The following SORCS3 variants were observed in gnomAD, a reference collection of about 807,000 sequenced individuals.
The protein encoded by SORCS3 is VPS10 domain-containing receptor SorCS3.
SORCS3 carries 57 observed loss-of-function variants against 146.3 expected under a neutral mutation model. The observed-to-expected ratio is 0.39, with a 90% CI of 0.31 to 0.49. SORCS3 has a LOEUF of 0.49. Among genes scored for constraint, SORCS3 ranks in the 20% least tolerant of loss-of-function variants. SORCS3 has a pLI of 0.92. For synonymous variants in SORCS3, 653 were observed against 618.5 expected, an observed-to-expected ratio of 1.06 and a Z score of -0.83; for missense variants, 1,341 against 1,575.5, an observed-to-expected ratio of 0.85 and a Z score of 2.52.
intron 3 of SORCS3, among the ~76,000 whole-genome samples, chr10:104,941,001 C>T (rs879412790): frequency 9.2e-5 from 14 of 152,138 alleles, no homozygotes; most frequent in Admixed American, 2.0e-4. Flanking sequence ...TCTTCCTTTT[C>T]GATCATATAG....
At chr10:105,073,272 C>T (rs1197979457) in intron 5 of SORCS3, among the ~76,000 whole-genome samples, 2 of 152,142 alleles carry the variant, frequency 1.3e-5, no homozygotes, top group East Asian at 3.9e-4. Flanking sequence ...GTGCAGGTTC[C>T]AGGTGCGGAG....
chr10:104,789,357 C>G (rs985453081), intron 1 of SORCS3, among the ~76,000 whole-genome samples: 5 of 152,208 alleles, frequency 3.3e-5, no homozygotes, highest in African/African-American at 1.2e-4. Flanking sequence ...GAAAATTGAC[C>G]GGATAGCCAG....
intron 3 of SORCS3, among the ~76,000 whole-genome samples, chr10:104,918,325 C>A (rs991073928): frequency 5.9e-5 from 9 of 152,122 alleles, no homozygotes; most frequent in Non-Finnish European, 1.2e-4. Flanking sequence ...GCAAAAAAAA[C>A]TCACATAGCC....
rs1439995849 is a variant in SORCS3 at position 105,033,414 on chromosome 10, T to C, written c.955-9641T>C. Among the ~76,000 whole-genome samples the C allele has an allele frequency of 2.0e-5, 3 of 152,342 alleles. No individual in the cohort carries two copies. In the East Asian group the frequency reaches 5.8e-4, roughly 29 times the overall value. ...CAAGTCTCTTAGGTTCTCTGAGTTT[T>C]AGAGTCTCCATGTGTGAAAAGAACT... On this transcript the variant is annotated intron_variant, in intron 4 of 26. Coordinates refer to ENST00000369701, the MANE Select transcript of SORCS3 (RefSeq NM_014978.3).
intron 3 of SORCS3, among the ~76,000 whole-genome samples, chr10:104,952,051 C>T (rs1363453824): frequency 6.6e-6 from 1 of 151,084 alleles, no homozygotes; most frequent in African/African-American, 2.4e-5. Flanking sequence ...AATCGTTCCC[C>T]CGATTCCAAA....
intron 13 of SORCS3, among the ~76,000 whole-genome samples, chr10:105,171,242 CA>C (rs1213668684): frequency 6.6e-6 from 1 of 152,136 alleles, no homozygotes; most frequent in Non-Finnish European, 1.5e-5. Flanking sequence ...GGCGTGAACG[CA>C]AAACAGCATA....
At chr10:104,844,469 A>C (rs1240545625) in intron 2 of SORCS3, among the ~76,000 whole-genome samples, 1 of 152,166 alleles carries the variant, frequency 6.6e-6, no homozygotes, top group Non-Finnish European at 1.5e-5. Flanking sequence ...CCAGTTGCTT[A>C]ATGCTAGAGG....
chr10:105,245,653 ATTGCAGTTCATGGT>A lies in SORCS3; in HGVS notation c.2981_2992+2del. The A allele has an allele frequency of 6.2e-7, 1 of 1,613,960 alleles. No homozygotes were observed. Among genetic ancestry groups the A allele is most frequent in the Non-Finnish European group, 8.5e-7 (1 of 1,179,946 alleles). Reference sequence around the variant, plus strand: ...TGCCCTCATCCAGGACACAAAAGAGATTGCAGTTCATGGTAAGCCCTGAAAATTGTTCTGTGATG... The same window carrying A: ...TGCCCTCATCCAGGACACAAAAGAGAAAGCCCTGAAAATTGTTCTGTGATG... On this transcript the variant is annotated splice_donor_variant and coding_sequence_variant, in exon 21 of 27. Coordinates refer to ENST00000369701, the MANE Select transcript of SORCS3 (RefSeq NM_014978.3). LOFTEE classifies it high-confidence loss of function.
intron 8 of SORCS3, among the ~76,000 whole-genome samples, chr10:105,145,260 T>C (rs977661747): frequency 6.6e-6 from 1 of 152,142 alleles, no homozygotes; most frequent in African/African-American, 2.4e-5. Context: ...AAATTGTAGG[T>C]TTATATCTTA....
At chr10:105,088,066 G>T (rs768810761) in intron 5 of SORCS3, among the ~76,000 whole-genome samples, 5 of 152,220 alleles carry the variant, frequency 3.3e-5, no homozygotes, top group African/African-American at 4.8e-5. Flanking sequence ...GCAAGGCCCA[G>T]TGAGCTTGGA....
At chr10:105,009,576 A>G (rs530473460) in intron 4 of SORCS3, among the ~76,000 whole-genome samples, 1 of 150,888 alleles carries the variant, frequency 6.6e-6, no homozygotes, top group East Asian at 2.0e-4. Context: ...GTGAGAGGAT[A>G]TGATTTTGTG....
At chr10:104,779,229 T>A (rs1451068604) in intron 1 of SORCS3, among the ~76,000 whole-genome samples, 1 of 152,236 alleles carries the variant, frequency 6.6e-6, no homozygotes, top group East Asian at 1.9e-4. Context: ...TCTGGACTTT[T>A]GACTTCTAGA....
intron 7 of SORCS3, among the ~76,000 whole-genome samples, chr10:105,117,915 C>G (rs901553325): frequency 4.6e-5 from 7 of 152,124 alleles, no homozygotes; most frequent in African/African-American, 1.7e-4. Context: ...TCGTTGCTTC[C>G]TCAATAAGGT....
intron 1 of SORCS3, among the ~76,000 whole-genome samples, chr10:104,710,247 A>G (rs192518104): frequency 3.2e-4 from 49 of 152,312 alleles, no homozygotes; most frequent in South Asian, 3.1e-3. Context: ...AACCCAGCTT[A>G]TCCTCCTGAG....
intron 4 of SORCS3, among the ~76,000 whole-genome samples, chr10:105,009,539 A>C (rs74404056): frequency 5.3e-5 from 8 of 151,090 alleles, no homozygotes; most frequent in African/African-American, 1.5e-4. Flanking sequence ...AAAAAAAAAA[A>C]AAAAAAAAAA....
chr10:104,775,130 T>C (rs1033554816), intron 1 of SORCS3, among the ~76,000 whole-genome samples: 2 of 152,242 alleles, frequency 1.3e-5, no homozygotes, highest in African/African-American at 4.8e-5. Context: ...AAATATGGTA[T>C]GCAACATGGG....
intron 4 of SORCS3, among the ~76,000 whole-genome samples, chr10:105,001,988 T>C (rs577876429): frequency 1.3e-5 from 2 of 152,252 alleles, no homozygotes; most frequent in South Asian, 4.2e-4. Flanking sequence ...GGTCCCACAG[T>C]GGGATCTGTT....
intron 9 of SORCS3, among the ~76,000 whole-genome samples, chr10:105,148,179 T>G (rs2119469040): frequency 6.6e-6 from 1 of 152,198 alleles, no homozygotes; most frequent in South Asian, 2.1e-4. Flanking sequence ...GTGGTGCTAC[T>G]TATGTGCCTT....
chr10:105,049,784 T>C (rs1444642899), intron 5 of SORCS3, among the ~76,000 whole-genome samples: 1 of 151,702 alleles, frequency 6.6e-6, no homozygotes, highest in Non-Finnish European at 1.5e-5. Context: ...GACATAAAGG[T>C]GGGAACAATA....
Sources: allele counts gnomAD v4.1 joint callset (sites outside exome capture counted in the v4.1 genomes callset), GRCh38; gene constraint gnomAD v4.1.1; transcripts MANE v1.5; gene names NCBI Gene and HGNC (gene_info 2026-07-23, HGNC 2026-07-21).